The following ZNF554 variants were observed in gnomAD, a reference collection of about 807,000 sequenced individuals.
The protein encoded by ZNF554 is zinc finger protein 554.
ZNF554 carries 15 observed loss-of-function variants against 21.2 expected under a neutral mutation model. The observed-to-expected ratio is 0.71, with a 90% confidence interval of 0.47 to 1.09. The LOEUF (loss-of-function observed/expected upper bound fraction) is 1.09. Among genes scored for constraint, ZNF554 ranks in the 50% least tolerant of loss-of-function variants. The probability of loss-of-function intolerance (pLI) is 0.00; values close to 1 mark genes in which losing one functional copy is unlikely to be tolerated. For synonymous variants in ZNF554, 258 were observed against 251.4 expected (o/e 1.03, Z -0.25); for missense variants, 691 against 662.7 (o/e 1.04, Z -0.47).
In ZNF554 at chr19:2,821,131, C is replaced by G. The variant is rs1790792798; in HGVS notation, c.53+1007C>G. 1.3e-5 allele frequency among the ~76,000 whole-genome samples: 2 copies of G among 151,060 alleles called. No individual in the cohort carries two copies. Among genetic ancestry groups the G allele is most frequent in the African/African-American group, 2.5e-5 (1 of 40,806 alleles). On this transcript the variant is annotated intron_variant, in intron 1 of 4. Transcript: ENST00000317243. The surrounding 1 kb of genome is among the most constrained non-coding windows in gnomAD (Gnocchi z 8.2). Reference sequence around the variant, plus strand: ...TCTTGAGACAGTCTCGCCCTATTGCCCAGGCTGGAGTGCAGTTGCACGATC... The same window carrying G: ...TCTTGAGACAGTCTCGCCCTATTGCGCAGGCTGGAGTGCAGTTGCACGATC...
At chr19:2,824,012 G>A (rs1176594183) in intron 2 of ZNF554, among the ~76,000 whole-genome samples, 1 of 152,134 alleles carries the variant, frequency 6.6e-6, no homozygotes, top group Non-Finnish European at 1.5e-5. Flanking sequence ...GCCTCCTGCT[G>A]CCATTCACGG....
intron 3 of ZNF554, among the ~76,000 whole-genome samples, chr19:2,829,936 T>C (rs1402353796): frequency 6.6e-6 from 1 of 151,770 alleles, no homozygotes; most frequent in Admixed American, 6.6e-5. Flanking sequence ...TTTTCTTTTC[T>C]TTTTTTGAGA....
At chr19:2,825,214 T>C (rs2087316217) in intron 2 of ZNF554, among the ~76,000 whole-genome samples, 1 of 152,300 alleles carries the variant, frequency 6.6e-6, no homozygotes, top group Admixed American at 6.5e-5. Context: ...GGTTTCACCA[T>C]GTTGGCCCAG....
chr19:2,832,596 C>T, intron 4 of ZNF554, 102 bp downstream of exon 4: 1 of 1,237,118 alleles, frequency 8.1e-7, no homozygotes, highest in Non-Finnish European at 1.1e-6. Context: ...AGGAGAATGC[C>T]AAGATCCCTT....
At chr19:2,832,638 C>T in intron 4 of ZNF554, 144 bp downstream of exon 4, 1 of 745,832 alleles carries the variant, frequency 1.3e-6, no homozygotes. Context: ...TTTCTGGCAG[C>T]TTTCTCCTTC....
chr19:2,825,378 T>A (rs4806875), intron 2 of ZNF554, among the ~76,000 whole-genome samples: 28,184 of 152,096 alleles, frequency 0.19, 3,728 homozygotes, highest in East Asian at 0.46. Flanking sequence ...TGGCACAATC[T>A]CAGCTCACGC....
intron 2 of ZNF554, among the ~76,000 whole-genome samples, 175 bp from the exon 3 acceptor site, chr19:2,827,442 G>A (rs1296594678): frequency 1.3e-5 from 2 of 152,208 alleles, no homozygotes; most frequent in African/African-American, 4.8e-5. Context: ...GGGTCTGTAT[G>A]TCCCTCTGAT....
rs532625268 is a variant in ZNF554, at chr19:2,821,603, A to G, written c.54-1437A>G. 6.6e-6 allele frequency among the ~76,000 whole-genome samples: 1 copy of G among 152,016 alleles called. No homozygotes were observed. The highest frequency in any genetic ancestry group is 1.9e-4 in the East Asian group (1 of 5,190). ...TTGGTGTCCCTTGGCTTGGGGCCAC[A>G]TCACTCCAAGCTCTGCCTGCATCAT... On this transcript the variant is annotated intron_variant, in intron 1 of 4. Transcript: ENST00000317243. This position sits in a 1 kb window ranked among gnomAD's most constrained non-coding sequence, Gnocchi z 8.2.
In ZNF554 at chr19:2,834,896, C is replaced by A; in HGVS notation, c.*44C>A. 1 of 1,497,456 alleles carries A rather than the reference C, an allele frequency of 6.7e-7. No homozygotes were observed. The highest frequency in any genetic ancestry group is 9.0e-7 in the Non-Finnish European group (1 of 1,109,196). The allele number at this position is 1,497,456 out of a possible 1,614,324, so 92.8% of individuals were successfully genotyped here. On this transcript the variant is annotated 3_prime_UTR_variant, in exon 5 of 5. Coordinates refer to ENST00000317243, the MANE Select transcript of ZNF554 (RefSeq NM_001102651.2). ...TAAGCCACTTTTTAGTACTCTGACA[C>A]ATACATGTGGTTATCTTTTGCCCTG...
chr19:2,834,000 A>G lies in ZNF554; in HGVS notation c.765A>G (p.Ala255=). The G allele has an allele frequency of 2.5e-6, 4 of 1,614,168 alleles. No homozygotes were observed. Among genetic ancestry groups the G allele is most frequent in the Non-Finnish European group, 3.4e-6 (4 of 1,180,048 alleles). ...CGSELDITSL[A]SDSVLNHHQL... is the part of the protein sequence containing the mutation. The stretch of plus-strand genomic sequence containing the variant: ...GCGAGTTAGATATTACAAGCTTGGC[A>G]TCCGATTCAGTCTTAAACCACCATC... The change falls in exon 5 of 5, where the codon GCA becomes GCG. Residue 255 remains alanine (A), a synonymous_variant. Coordinates refer to ENST00000317243, the MANE Select transcript of ZNF554 (RefSeq NM_001102651.2).
At chr19:2,833,589 C>A (rs885705) in intron 4 of ZNF554, 92 bp from the exon 5 acceptor site, 2 of 1,064,114 alleles carry the variant, frequency 1.9e-6, no homozygotes, top group Admixed American at 4.9e-5. Context: ...TCCGCACAGG[C>A]CTTGTAGATG....
At chr19:2,830,320 T>C (rs1037913403) in intron 3 of ZNF554, among the ~76,000 whole-genome samples, 2 of 152,236 alleles carry the variant, frequency 1.3e-5, no homozygotes, top group Admixed American at 6.5e-5. Context: ...AGTGTTCATT[T>C]ACATTGTAGC....
chr19:2,832,377 A>C lies in ZNF554; in HGVS notation c.328A>C (p.Thr110Pro). 1 of 1,614,194 alleles carries C rather than the reference A, an allele frequency of 6.2e-7. No individual in the cohort carries two copies. The highest frequency in any genetic ancestry group is 8.5e-7 in the Non-Finnish European group (1 of 1,180,026). ...TTCCCCAGCACAAACCTCACAAGTC[A>C]CTAGTCTTTCCTCATGGACGGGGTA... The part of the protein sequence containing the change: ...PLSPAQTSQV[T>P]SLSSWTGYLL... Residue 110 changes from threonine (T) to proline (P), a missense_variant, in exon 4 of 5, where the codon ACT becomes CCT. Transcript: ENST00000317243.
intron 2 of ZNF554, 75 bp downstream of exon 2, chr19:2,823,187 G>T: frequency 9.2e-6 from 13 of 1,408,552 alleles, no homozygotes; most frequent in Admixed American, 1.9e-5. Flanking sequence ...CTCAGTCCTC[G>T]ATAGAGGAGA....
rs1247344866 is a variant in ZNF554 at position 2,827,654 on chromosome 19, C to T, written c.164C>T (p.Ser55Phe). 5.0e-6 allele frequency: 8 copies of T among 1,613,896 alleles called. No individual in the cohort carries two copies. Among genetic ancestry groups the T allele is most frequent in the African/African-American group, 1.3e-5 (1 of 75,030 alleles). The change falls in exon 3 of 5, where the codon TCC becomes TTC. Residue 55 changes from serine to phenylalanine, a missense_variant. Physicochemically the swap from Ser to Phe is radical, Grantham distance 155. Transcript: ENST00000317243. Reference protein sequence around the residue: ...VTFEDVSMDFSQEEWELLEPA... With the variant: ...VTFEDVSMDFFQEEWELLEPA... ...TTTGAGGACGTGTCCATGGACTTCT[C>T]CCAGGAGGAGTGGGAGTTGCTGGAG...
chr19:2,832,014 C>G, intron 3 of ZNF554: 1 of 208,740 alleles, frequency 4.8e-6, no homozygotes, highest in Non-Finnish European at 9.6e-6. Flanking sequence ...CAACCTCTGC[C>G]TCCTGGGTTC....
rs1007032381 is a variant in ZNF554 at position 2,823,091 on chromosome 19, G to A, written c.105G>A (p.Gly35=). 1.2e-6 allele frequency: 2 copies of A among 1,613,364 alleles called. No individual in the cohort carries two copies. The highest frequency in any genetic ancestry group is 1.3e-5 in the African/African-American group (1 of 75,018). ...CFSQEERMAA[G]YLPRWSQELV... ...CCCAAGAGGAGAGAATGGCTGCTGG[G>A]TACCTGCCCCGCTGGTCCCAGGTGA... Residue 35 remains glycine, a synonymous_variant, in exon 2 of 5, where the codon GGG becomes GGA. Transcript: ENST00000317243.
At chr19:2,829,562 A>T (rs1263071033) in intron 3 of ZNF554, among the ~76,000 whole-genome samples, 1 of 149,674 alleles carries the variant, frequency 6.7e-6, no homozygotes, top group East Asian at 2.0e-4. Context: ...GCTTGAACCC[A>T]GGAGGTGGAG....
Position 2,834,651 on chromosome 19 carries a change from C to T in ZNF554, c.1416C>T (p.Ala472=), listed in dbSNP as rs763076740. Reference sequence around the variant, plus strand: ...ATGAATGTAAGCAGTGTGGGAGAGCCTTCAGCCAGAGGTCTTCCCTTGTGA... The same window carrying T: ...ATGAATGTAAGCAGTGTGGGAGAGCTTTCAGCCAGAGGTCTTCCCTTGTGA... ...NPYECKQCGR[A]FSQRSSLVRH... Residue 472 remains alanine (A), a synonymous_variant, in exon 5 of 5, where the codon GCC becomes GCT. Transcript: ENST00000317243. 4 of 1,613,924 alleles carry T rather than the reference C, an allele frequency of 2.5e-6. No individual in the cohort carries two copies. The African/African-American group carries it at 4.0e-5, about 16-fold the overall frequency.
Sources: allele counts gnomAD v4.1 joint callset (sites outside exome capture counted in the v4.1 genomes callset), GRCh38; gene constraint gnomAD v4.1.1; non-coding constraint Gnocchi (gnomAD v3.1); transcripts MANE v1.5; gene names NCBI Gene and HGNC (gene_info 2026-07-23, HGNC 2026-07-21).